Variants in ROBO1 observed in about 807,000 individuals in gnomAD.
ROBO1 encodes roundabout homolog 1.
Under a neutral mutation model 195.9 loss-of-function variants are expected in ROBO1, and 149 were observed. The observed-to-expected ratio is 0.76, with a 90% CI of 0.67 to 0.87. The LOEUF (loss-of-function observed/expected upper bound fraction) is 0.87. ROBO1 is among the 40% of genes least tolerant of loss of function. ROBO1 has a pLI of 0.00. For missense variants in ROBO1, 1,933 were observed against 2,068.3 expected (o/e 0.93, Z 1.27); for synonymous variants, 816 against 733.2 (o/e 1.11, Z -1.82).
intron 2 of ROBO1, among the ~76,000 whole-genome samples, chr3:79,211,450 T>C (rs1202296276): frequency 1.3e-5 from 2 of 152,182 alleles, no homozygotes; most frequent in East Asian, 3.9e-4. Context: ...CTCAGAGTTG[T>C]AAGAGAAGAG....
At chr3:79,494,025 C>A (rs529020490) in intron 2 of ROBO1, among the ~76,000 whole-genome samples, 2 of 152,052 alleles carry the variant, frequency 1.3e-5, no homozygotes, top group African/African-American at 4.8e-5. Context: ...TTTACAATGG[C>A]TTTTTGAACT....
At position 79,388,458 on chromosome 3, in the gene ROBO1, T is replaced by C. The variant is rs556882475; in HGVS notation, c.88+201366A>G. ...AGAGGGGAATCAGTCTGTTGGAACA[T>C]CTTCATTCATAATAAAATAATTCTG... On this transcript the variant is annotated intron_variant, in intron 2 of 30. Transcript: ENST00000464233. 2.0e-5 allele frequency among the ~76,000 whole-genome samples: 3 copies of C among 152,030 alleles called. No homozygotes were observed. The South Asian group carries it at 6.2e-4, about 32-fold the overall frequency.
At chr3:79,320,415 A>G (rs2033929130) in intron 2 of ROBO1, among the ~76,000 whole-genome samples, 2 of 152,064 alleles carry the variant, frequency 1.3e-5, no homozygotes, top group Admixed American at 1.3e-4. Flanking sequence ...TGCAGCCTTG[A>G]CCTCCTGGGC....
intron 4 of ROBO1, among the ~76,000 whole-genome samples, chr3:78,786,654 C>T (rs991573948): frequency 7.9e-5 from 12 of 152,172 alleles, no homozygotes; most frequent in East Asian, 7.8e-4. Flanking sequence ...ATAAGTCTCA[C>T]GAGATCTGAT....
chr3:78,831,174 G>A (rs2032163426), intron 4 of ROBO1, among the ~76,000 whole-genome samples: 1 of 152,050 alleles, frequency 6.6e-6, no homozygotes, highest in South Asian at 2.1e-4. Flanking sequence ...GCCTCCCAAA[G>A]TGCTGGGATT....
At chr3:78,788,443 A>ATT (rs2083917807) in intron 4 of ROBO1, among the ~76,000 whole-genome samples, 9 of 144,158 alleles carry the variant, frequency 6.2e-5, no homozygotes, top group African/African-American at 1.8e-4. Flanking sequence ...TTTTTTTTAA[A>ATT]AAAAAAAAAA....
rs536159653 is a variant in ROBO1 at position 79,586,953 on chromosome 3, A to T, written c.88+2871T>A. ...TAAATTAACATGAAAAACATCTACC[A>T]GTGGTTTTCATAAAAAAGAGGTGGG... On this transcript the variant is annotated intron_variant, in intron 2 of 30. Coordinates refer to ENST00000464233, the MANE Select transcript of ROBO1 (RefSeq NM_002941.4). Among the ~76,000 whole-genome samples the T allele has an allele frequency of 2.3e-4, 35 of 152,016 alleles. No homozygotes were observed. In the South Asian group the frequency reaches 6.6e-3, roughly 29 times the overall value.
intron 3 of ROBO1, among the ~76,000 whole-genome samples, chr3:78,970,971 C>G (rs1460116883): frequency 1.3e-5 from 2 of 149,886 alleles, no homozygotes; most frequent in African/African-American, 2.4e-5. Flanking sequence ...GTGGCAACAA[C>G]AGAATTAAGA....
chr3:78,699,175 G>A (rs1170279853), intron 8 of ROBO1, among the ~76,000 whole-genome samples: 1 of 151,970 alleles, frequency 6.6e-6, no homozygotes, highest in African/African-American at 2.4e-5. Context: ...TCTGGCCCAA[G>A]CTATCCAACA....
chr3:78,712,307 G>T (rs1244311167), intron 8 of ROBO1, among the ~76,000 whole-genome samples: 1 of 152,054 alleles, frequency 6.6e-6, no homozygotes, highest in Non-Finnish European at 1.5e-5. Context: ...AACACGGAAA[G>T]TTTTTTAACA....
chr3:79,213,124 G>A (rs574023355), intron 2 of ROBO1, among the ~76,000 whole-genome samples: 27 of 151,886 alleles, frequency 1.8e-4, no homozygotes, highest in African/African-American at 6.0e-4. Context: ...CATACCTGTA[G>A]TCCCAGCTAC....
chr3:79,431,652 G>A (rs2038684640), intron 2 of ROBO1, among the ~76,000 whole-genome samples: 1 of 152,116 alleles, frequency 6.6e-6, no homozygotes, highest in Non-Finnish European at 1.5e-5. Context: ...GTACTTATTT[G>A]CAAAGATGTT....
chr3:79,045,182 TA>T (rs1304765470), intron 3 of ROBO1, among the ~76,000 whole-genome samples: 4 of 151,986 alleles, frequency 2.6e-5, no homozygotes, highest in Non-Finnish European at 5.9e-5. Context: ...AATACTGAGT[TA>T]AAAGGAAAAT....
At chr3:79,713,175 C>A (rs1439423453) in intron 1 of ROBO1, among the ~76,000 whole-genome samples, 1 of 151,834 alleles carries the variant, frequency 6.6e-6, no homozygotes, top group Non-Finnish European at 1.5e-5. Flanking sequence ...CCTACTCACC[C>A]AAGAGTTTTA....
intron 8 of ROBO1, among the ~76,000 whole-genome samples, chr3:78,695,676 T>C (rs1559755476): frequency 6.6e-6 from 1 of 151,200 alleles, no homozygotes; most frequent in African/African-American, 2.4e-5. Flanking sequence ...TTATAGCCTA[T>C]TAAGGATCTT....
intron 2 of ROBO1, among the ~76,000 whole-genome samples, chr3:79,444,969 T>G (rs896101324): frequency 1.3e-5 from 2 of 151,892 alleles, no homozygotes; most frequent in African/African-American, 4.8e-5. Flanking sequence ...GAGATTAAGA[T>G]GGCAGGGATG....
intron 3 of ROBO1, among the ~76,000 whole-genome samples, chr3:78,946,547 G>A (rs959853094): frequency 6.6e-6 from 1 of 152,106 alleles, no homozygotes; most frequent in African/African-American, 2.4e-5. Flanking sequence ...AGGAACAACT[G>A]GTAACAGCCA....
chr3:79,235,862 T>C (rs188716507), intron 2 of ROBO1, among the ~76,000 whole-genome samples: 11 of 152,280 alleles, frequency 7.2e-5, no homozygotes, highest in African/African-American at 2.4e-4. Flanking sequence ...TTAAAATTAC[T>C]ATAAGGGTCA....
At chr3:79,100,282 C>T (rs1395167218) in intron 3 of ROBO1, among the ~76,000 whole-genome samples, 1 of 151,782 alleles carries the variant, frequency 6.6e-6, no homozygotes, top group East Asian at 1.9e-4. Context: ...TGGTAGTTTA[C>T]ATTTTGAGAT....
Sources: gnomAD v4.1 joint callset for allele counts (sites outside exome capture counted in the v4.1 genomes callset) on GRCh38, gnomAD v4.1.1 for gene constraint, MANE v1.5 for transcripts, NCBI Gene and HGNC (gene_info 2026-07-23, HGNC 2026-07-21) for gene names.